The following ASIC4 variants were observed in gnomAD, a reference collection of about 807,000 sequenced individuals.
The protein encoded by ASIC4 is acid-sensing ion channel 4.
Under a neutral mutation model 53.4 loss-of-function variants are expected in ASIC4, and 28 were observed. The ratio of observed to expected loss-of-function variants is 0.52; its 90% CI spans 0.39 to 0.72. ASIC4 has a LOEUF of 0.72. Among genes scored for constraint, ASIC4 ranks in the 30% least tolerant of loss-of-function variants. The pLI is 0.00. For missense variants in ASIC4, 649 were observed against 729.7 expected, an observed-to-expected ratio of 0.89 and a Z score of 1.27; for synonymous variants, 289 against 301.4, an observed-to-expected ratio of 0.96 and a Z score of 0.43.
At chr2:219,509,453 G>T (rs1198440185), upstream of ASIC4, among the ~76,000 whole-genome samples, 2 of 152,142 alleles carry the variant, frequency 1.3e-5, no homozygotes, top group Non-Finnish European at 2.9e-5. This position sits in a 1 kb window ranked among gnomAD's most constrained non-coding sequence, Gnocchi z 5.2. Flanking sequence ...ACGCTCCCTC[G>T]TGTGCAGAGA....
chr2:219,527,192 C>T (rs1694974295), intron 1 of ASIC4, among the ~76,000 whole-genome samples: 1 of 152,172 alleles, frequency 6.6e-6, no homozygotes, highest in African/African-American at 2.4e-5. Context: ...GCTGATGGCT[C>T]CACCCACCCC....
chr2:219,527,835 C>T (rs570829108), intron 1 of ASIC4, among the ~76,000 whole-genome samples: 2 of 152,372 alleles, frequency 1.3e-5, no homozygotes, highest in Non-Finnish European at 2.9e-5. Flanking sequence ...TTTCCTTCCT[C>T]CCACCTCATA....
intron 5 of ASIC4, 133 bp downstream of exon 5, chr2:219,533,072 C>A: frequency 9.7e-7 from 1 of 1,034,548 alleles, no homozygotes; most frequent in Non-Finnish European, 1.5e-6. Context: ...GAGCCTTAGC[C>A]CATACTTCAG....
rs1244912016 is a variant in ASIC4, at chr2:219,516,519, T to A, written c.582+1213T>A. On this transcript the variant is annotated intron_variant, in intron 1 of 9. Transcript: ENST00000358078. The surrounding 1 kb of genome is among the most constrained non-coding windows in gnomAD (Gnocchi z 4.9). ...TATCTAGTATTCATGGCGCTCGAGATGCTTGTCCCTAGTCCACAGTTTGCT... is the reference window on the plus strand; with the variant it reads ...TATCTAGTATTCATGGCGCTCGAGAAGCTTGTCCCTAGTCCACAGTTTGCT... Among the ~76,000 whole-genome samples the A allele has an allele frequency of 6.6e-6, 1 of 152,024 alleles. No homozygotes were observed. The highest frequency in any genetic ancestry group is 2.4e-5 in the African/African-American group (1 of 41,356).
Position 219,521,719 on chromosome 2 carries a change from CTCTG to C in ASIC4, c.582+6414_582+6417del, listed in dbSNP as rs1559115999. On this transcript the variant is annotated intron_variant, in intron 1 of 9. Transcript: ENST00000358078. ...GGGACAGAGGCCGGCCTCAGGCTGC[CTCTG>C]AGTTATAAGTTATAAGTATTCCTGA... is the stretch of plus-strand genomic sequence containing the variant. 4.6e-5 allele frequency among the ~76,000 whole-genome samples: 7 copies of C among 150,666 alleles called. No homozygotes were observed. In the East Asian group the frequency reaches 1.4e-3, roughly 29 times the overall value.
At chr2:219,508,002 G>A in the ASIC4 span, among the ~76,000 whole-genome samples, 3 of 151,850 alleles carry the variant, frequency 2.0e-5, no homozygotes, top group Admixed American at 6.6e-5. Context: ...CTCAGGTCCC[G>A]TGGGCTGTGT....
At chr2:219,521,723 GAGTTATAAGTTATAAGTATTCCT>G (rs1694887898) in intron 1 of ASIC4, among the ~76,000 whole-genome samples, 1 of 42,256 alleles carries the variant, frequency 2.4e-5, no homozygotes, top group Non-Finnish European at 4.4e-5. Flanking sequence ...GGCTGCCTCT[GAGTTATAAGTTATAAGTATTCCT>G]GAGTTATAAG....
chr2:219,525,915 C>A (rs1308961299), intron 1 of ASIC4, among the ~76,000 whole-genome samples: 1 of 152,180 alleles, frequency 6.6e-6, no homozygotes, highest in East Asian at 1.9e-4. Context: ...GGAAGAATGT[C>A]AGGGGAAGTG....
intron 5 of ASIC4, 42 bp downstream of exon 5, chr2:219,532,981 TC>T: frequency 2.5e-6 from 4 of 1,578,592 alleles, no homozygotes; most frequent in Non-Finnish European, 3.5e-6. Context: ...ATCAGCCTCT[TC>T]ATGTCTCTGT....
At chr2:219,508,684 G>T in the ASIC4 span, among the ~76,000 whole-genome samples, 1 of 152,082 alleles carries the variant, frequency 6.6e-6, no homozygotes, top group African/African-American at 2.4e-5. Context: ...GGTGCAGGGG[G>T]CCCCTTTGTC....
At chr2:219,512,285 G>C (rs531961521), upstream of ASIC4, among the ~76,000 whole-genome samples, 11 of 152,314 alleles carry the variant, frequency 7.2e-5, no homozygotes, top group Non-Finnish European at 1.6e-4. Flanking sequence ...TTTGTCTCAT[G>C]ATGGAGGCCA....
the ASIC4 span, among the ~76,000 whole-genome samples, chr2:219,508,688 C>T: frequency 4.0e-5 from 6 of 151,822 alleles, no homozygotes; most frequent in African/African-American, 1.5e-4. Context: ...CAGGGGGCCC[C>T]TTTGTCCACC....
chr2:219,520,592 C>T (rs1694868717), intron 1 of ASIC4, among the ~76,000 whole-genome samples: 2 of 152,210 alleles, frequency 1.3e-5, no homozygotes, highest in African/African-American at 4.8e-5. Flanking sequence ...CTGCCCCTTG[C>T]CCCGTTGGCT....
chr2:219,509,967 C>T (rs1164125460), upstream of ASIC4, among the ~76,000 whole-genome samples: 1 of 152,078 alleles, frequency 6.6e-6, no homozygotes, highest in African/African-American at 2.4e-5. This position sits in a 1 kb window ranked among gnomAD's most constrained non-coding sequence, Gnocchi z 5.2. Flanking sequence ...TAGTGCGTCC[C>T]TCTGCTGCCC....
intron 1 of ASIC4, among the ~76,000 whole-genome samples, chr2:219,521,415 T>C (rs1475820836): frequency 2.0e-5 from 3 of 152,206 alleles, no homozygotes; most frequent in Non-Finnish European, 4.4e-5. Flanking sequence ...CCCGCACTCC[T>C]TCCTGGACCC....
At chr2:219,509,931 C>T (rs1441766866), upstream of ASIC4, among the ~76,000 whole-genome samples, 1 of 152,138 alleles carries the variant, frequency 6.6e-6, no homozygotes, top group Non-Finnish European at 1.5e-5. This position sits in a 1 kb window ranked among gnomAD's most constrained non-coding sequence, Gnocchi z 5.2. Flanking sequence ...CCCCCACCCC[C>T]AAATCCGCCC....
Position 219,536,303 on chromosome 2 carries a change from C to T in ASIC4, c.1230-763C>T, listed in dbSNP as rs1695135543. ...GACAGGAGAGGAACACAGTACCCTG[C>T]AGGGGGAGGCAGGAGGGACCGCCCT... On this transcript the variant is annotated intron_variant, in intron 6 of 9. Transcript: ENST00000358078. The surrounding 1 kb of genome is among the most constrained non-coding windows in gnomAD (Gnocchi z 4.6). Among the ~76,000 whole-genome samples, 3 of 152,232 alleles carry T rather than the reference C, an allele frequency of 2.0e-5. No homozygotes were observed. Among genetic ancestry groups the T allele is most frequent in the African/African-American group, 7.2e-5 (3 of 41,456 alleles).
At chr2:219,515,803 G>C (rs982396433) in intron 1 of ASIC4, among the ~76,000 whole-genome samples, 2 of 152,166 alleles carry the variant, frequency 1.3e-5, no homozygotes, top group Non-Finnish European at 2.9e-5. Flanking sequence ...TGGCCTGGTG[G>C]GCAGGCTGGA....
In ASIC4 at chr2:219,518,447, G is replaced by T. The variant is rs1272703999; in HGVS notation, c.582+3141G>T. Among the ~76,000 whole-genome samples the T allele has an allele frequency of 1.3e-5, 2 of 152,014 alleles. No individual in the cohort carries two copies. The highest frequency in any genetic ancestry group is 1.3e-4 in the Admixed American group (2 of 15,250). On this transcript the variant is annotated intron_variant, in intron 1 of 9. Transcript: ENST00000358078. The surrounding 1 kb of genome is among the most constrained non-coding windows in gnomAD (Gnocchi z 4.8). Reference sequence around the variant, plus strand: ...GAGGGAAGAGAGGAAAGAGGAGAGGGCCCTGGGAGGTGGGCCCCGTATGTT... The same window carrying T: ...GAGGGAAGAGAGGAAAGAGGAGAGGTCCCTGGGAGGTGGGCCCCGTATGTT...
Sources: gnomAD v4.1 joint callset for allele counts (sites outside exome capture counted in the v4.1 genomes callset) on GRCh38, gnomAD v4.1.1 for gene constraint, Gnocchi (gnomAD v3.1) non-coding constraint, MANE v1.5 for transcripts, NCBI Gene and HGNC (gene_info 2026-07-23, HGNC 2026-07-21) for gene names.